Variants in MYH15 observed in about 807,000 individuals in gnomAD.
MYH15 encodes myosin-15.
A neutral mutation model predicts 240.5 loss-of-function variants in MYH15; 227 were observed. The ratio of observed to expected loss-of-function variants is 0.94; its 90% CI spans 0.85 to 1.05. MYH15 has a LOEUF of 1.05. Among genes scored for constraint, MYH15 ranks in the 50% least tolerant of loss-of-function variants. The pLI is 0.00. For synonymous variants in MYH15, 785 were observed against 796.7 expected (o/e 0.99, Z 0.25); for missense variants, 2,217 against 2,247.5 (o/e 0.99, Z 0.27).
rs1234289543 is a variant in MYH15, at chr3:108,426,665, G to A, written c.3702+1827C>T. Among the ~76,000 whole-genome samples, 4 of 152,306 alleles carry A rather than the reference G, an allele frequency of 2.6e-5. No homozygotes were observed. The East Asian group carries it at 7.7e-4, about 29-fold the overall frequency. ...AGGCAGAGAATTGCCATGGAAGCAGGACCACCACAGACAGCCCCCACTATG... is the reference window on the plus strand; with the variant it reads ...AGGCAGAGAATTGCCATGGAAGCAGAACCACCACAGACAGCCCCCACTATG... On this transcript the variant is annotated intron_variant, in intron 27 of 40. Coordinates refer to ENST00000693548, the MANE Select transcript of MYH15 (RefSeq NM_014981.3).
At chr3:108,545,005 T>C in the MYH15 span, among the ~76,000 whole-genome samples, 1 of 152,152 alleles carries the variant, frequency 6.6e-6, no homozygotes, top group Non-Finnish European at 1.5e-5. Context: ...CTTTTCCTCA[T>C]AATCTCCTCC....
chr3:108,485,350 T>C, intron 10 of MYH15, 121 bp from the exon 11 acceptor site: 7 of 1,109,316 alleles, frequency 6.3e-6, no homozygotes, highest in Middle Eastern at 2.2e-4. Context: ...ACAGCTCTGT[T>C]CAAAGCAATG....
intron 22 of MYH15, 131 bp downstream of exon 22, chr3:108,444,509 G>A (rs1357448698): frequency 9.6e-7 from 1 of 1,041,866 alleles, no homozygotes; most frequent in Non-Finnish European, 1.4e-6. Context: ...CATTGTCTTT[G>A]GTTTTATAAA....
At position 108,391,963 on chromosome 3, in the gene MYH15, C is replaced by T. The variant is rs916922891; in HGVS notation, c.5260-33G>A. The T allele has an allele frequency of 2.5e-6, 4 of 1,604,960 alleles. No homozygotes were observed. The African/African-American group carries it at 5.4e-5, about 22-fold the overall frequency. On this transcript the variant is annotated intron_variant, in intron 36 of 40. Transcript: ENST00000693548. ...GTTAAAAAAAGGGACTGAGCTAGTT[C>T]AGCAGTCAATTGATCTTAACATTTT...
intron 16 of MYH15, among the ~76,000 whole-genome samples, chr3:108,462,240 A>G (rs2083077539): frequency 6.6e-6 from 1 of 152,148 alleles, no homozygotes. Context: ...TTGGCTCAGT[A>G]TCTTCAAATC....
intron 20 of MYH15, among the ~76,000 whole-genome samples, chr3:108,455,375 GATGA>G (rs1286948896): frequency 6.6e-6 from 1 of 152,158 alleles, no homozygotes; most frequent in Non-Finnish European, 1.5e-5. Context: ...GAATATGGTG[GATGA>G]ATCAGTTCAC....
intron 18 of MYH15, among the ~76,000 whole-genome samples, chr3:108,458,773 A>T (rs1374096578): frequency 6.6e-6 from 1 of 151,998 alleles, no homozygotes; most frequent in Admixed American, 6.6e-5. Context: ...AATCACTACC[A>T]TCCACCTATC....
chr3:108,430,715 C>T lies in MYH15; in HGVS notation c.3312+117G>A, dbSNP rs889401797. On this transcript the variant is annotated intron_variant, in intron 26 of 40. Coordinates refer to ENST00000693548, the MANE Select transcript of MYH15 (RefSeq NM_014981.3). Reference sequence around the variant, plus strand: ...CTTCTTAACCACTGTTCTTTTCTGCCTCTGCCTGTGGTTGGCTAAGGGTAT... The same window carrying T: ...CTTCTTAACCACTGTTCTTTTCTGCTTCTGCCTGTGGTTGGCTAAGGGTAT... 7 of 662,066 alleles carry T rather than the reference C, an allele frequency of 1.1e-5. No homozygotes were observed. In the African/African-American group the frequency reaches 1.1e-4, roughly 10 times the overall value. The allele number at this position is 662,066 out of a possible 1,614,324, so 41.0% of individuals were successfully genotyped here. A position where few individuals can be genotyped will look rare whatever the true frequency, so the allele number is the denominator to read the frequency against.
chr3:108,472,628 T>G (rs779318954), intron 12 of MYH15, among the ~76,000 whole-genome samples: 1 of 152,172 alleles, frequency 6.6e-6, no homozygotes, highest in Non-Finnish European at 1.5e-5. Flanking sequence ...ATGACTAACT[T>G]GCTCACCCCC....
chr3:108,495,671 G>T, intron 7 of MYH15, 109 bp downstream of exon 7: 1 of 630,484 alleles, frequency 1.6e-6, no homozygotes, highest in Non-Finnish European at 2.6e-6. Context: ...TTTAATCAAA[G>T]ACCTTCTTTG....
intron 38 of MYH15, among the ~76,000 whole-genome samples, chr3:108,388,168 G>A (rs1378515144): frequency 3.3e-5 from 5 of 152,106 alleles, no homozygotes; most frequent in Non-Finnish European, 7.3e-5. Flanking sequence ...AGTGTGAGAG[G>A]GCTGGAAAGT....
At chr3:108,437,239 A>G (rs4855565) in intron 25 of MYH15, among the ~76,000 whole-genome samples, 150,047 of 150,300 alleles carry the variant, frequency 1, 74,897 homozygotes, top group Middle Eastern at 1. Context: ...GAGTAAAAAG[A>G]AGAGTGTCAT....
At position 108,486,531 on chromosome 3, in the gene MYH15, A is replaced by G. The variant is rs550562629; in HGVS notation, c.872-5T>C. On this transcript the variant is annotated splice_polypyrimidine_tract_variant and splice_region_variant and intron_variant, in intron 9 of 40. Coordinates refer to ENST00000693548, the MANE Select transcript of MYH15 (RefSeq NM_014981.3). ...TTGCAGATACCAGGAGCAGGTCTAG[A>G]GTGGGAAAACGATTCGTTAAACAGC... The G allele has an allele frequency of 5.0e-6, 8 of 1,595,426 alleles. No individual in the cohort carries two copies. The African/African-American group carries it at 1.1e-4, about 21-fold the overall frequency.
intron 38 of MYH15, among the ~76,000 whole-genome samples, chr3:108,386,982 C>T (rs2082388243): frequency 6.6e-6 from 1 of 152,044 alleles, no homozygotes; most frequent in Non-Finnish European, 1.5e-5. Context: ...CTTTATAGCA[C>T]ATTTTTCTAG....
intron 1 of MYH15, among the ~76,000 whole-genome samples, chr3:108,509,806 G>A (rs1453049636): frequency 1.3e-5 from 2 of 151,994 alleles, no homozygotes; most frequent in African/African-American, 4.8e-5. Context: ...GTAGAACTTA[G>A]CCTTTTTTTT....
At position 108,391,825 on chromosome 3, in the gene MYH15, G is replaced by C. The variant is rs1475571835; in HGVS notation, c.5365C>G (p.Leu1789Val). Reference protein sequence around the residue: ...EQTITDLQKRLAEAEQMALMG... With the variant: ...EQTITDLQKRVAEAEQMALMG... ...AGGGCCATCTGTTCAGCTTCAGCCA[G>C]CCTTTTCTGTAAGTCTGTAATTGTC... The change falls in exon 37 of 41, where the codon CTG (leucine) becomes GTG (valine). Residue 1789 changes from leucine to valine, a missense_variant. Transcript: ENST00000693548. 4 of 1,613,966 alleles carry C rather than the reference G, an allele frequency of 2.5e-6. No individual in the cohort carries two copies. Among genetic ancestry groups the C allele is most frequent in the African/African-American group, 2.7e-5 (2 of 74,904 alleles).
At chr3:108,388,750 T>C (rs2082401323) in intron 38 of MYH15, among the ~76,000 whole-genome samples, 1 of 152,194 alleles carries the variant, frequency 6.6e-6, no homozygotes, top group African/African-American at 2.4e-5. Flanking sequence ...AATTGCAACT[T>C]GCCCCTCACA....
intron 11 of MYH15, among the ~76,000 whole-genome samples, chr3:108,478,820 T>A (rs923207311): frequency 5.3e-5 from 8 of 152,182 alleles, no homozygotes; most frequent in African/African-American, 1.7e-4. Context: ...AGCACAGTCC[T>A]TTGAGTCTAT....
intron 10 of MYH15, among the ~76,000 whole-genome samples, chr3:108,485,933 G>A (rs576935782): frequency 2.0e-5 from 3 of 152,132 alleles, no homozygotes; most frequent in Non-Finnish European, 4.4e-5. Context: ...CTAACACTAA[G>A]AGAATAGCTC....
Sources: allele counts gnomAD v4.1 joint callset (sites outside exome capture counted in the v4.1 genomes callset), GRCh38; gene constraint gnomAD v4.1.1; transcripts MANE v1.5; gene names NCBI Gene and HGNC (gene_info 2026-07-23, HGNC 2026-07-21).